The following IQGAP2 variants were observed in gnomAD, a reference collection of about 807,000 sequenced individuals.
IQGAP2 encodes the protein IQ motif containing GTPase activating protein 2, also known as ras GTPase-activating-like protein IQGAP2.
In IQGAP2, 173 loss-of-function variants were observed where a neutral mutation model predicts 201.3. That is an observed-to-expected ratio of 0.86 (90% CI 0.76 to 0.98). The LOEUF (loss-of-function observed/expected upper bound fraction) is 0.98, where lower values mean the gene tolerates loss of function less well. Ranked by LOEUF, IQGAP2 falls within the 50% of genes least tolerant of loss-of-function variation. IQGAP2 has a pLI of 0.00. For missense variants in IQGAP2, 1,687 were observed against 1,864.8 expected, an observed-to-expected ratio of 0.90 and a Z score of 1.76; for synonymous variants, 675 against 673.9, an observed-to-expected ratio of 1.00 and a Z score of -0.03.
chr5:76,618,283 A>C, intron 13 of IQGAP2: 1 of 1,614,234 alleles, frequency 6.2e-7, no homozygotes, highest in African/African-American at 1.3e-5. Context: ...GTAACACAAA[A>C]AAGAAAATCT....
chr5:76,629,567 A>T (rs975894554), intron 14 of IQGAP2, among the ~76,000 whole-genome samples: 3 of 152,306 alleles, frequency 2.0e-5, no homozygotes, highest in Admixed American at 2.0e-4. Context: ...CACCCTAAGG[A>T]ATCTTTTTAG....
At position 76,576,622 on chromosome 5, in the gene IQGAP2, C is replaced by G. The variant is rs150216450; in HGVS notation, c.458+853C>G. On this transcript the variant is annotated intron_variant, in intron 5 of 35. Coordinates refer to ENST00000274364, the MANE Select transcript of IQGAP2 (RefSeq NM_006633.5). ...GGTTTATGTTGACTTCTTCCTGGCT[C>G]TTTTCCTCTCCAAAGGAAAATGCTT... 3.6e-3 allele frequency among the ~76,000 whole-genome samples: 543 copies of G among 152,280 alleles called. 4 individuals carry two copies. The highest frequency in any genetic ancestry group is 0.012 in the African/African-American group (506 of 41,550).
intron 1 of IQGAP2, among the ~76,000 whole-genome samples, chr5:76,406,793 A>G (rs1020171831): frequency 2.0e-5 from 3 of 151,650 alleles, no homozygotes; most frequent in Admixed American, 6.6e-5. Context: ...GTGGGTCTCC[A>G]ATGATTGCAT....
intron 5 of IQGAP2, among the ~76,000 whole-genome samples, chr5:76,582,630 C>A (rs993099168): frequency 1.3e-5 from 2 of 152,136 alleles, no homozygotes; most frequent in Non-Finnish European, 2.9e-5. Context: ...GTTTGCATTT[C>A]ATTACGATAG....
chr5:76,451,802 A>G (rs1157825267), intron 1 of IQGAP2, among the ~76,000 whole-genome samples: 1 of 152,262 alleles, frequency 6.6e-6, no homozygotes, highest in Admixed American at 6.5e-5. Flanking sequence ...TGGGAGGCCA[A>G]GGCAGGCAGA....
At chr5:76,405,137 C>T (rs917692847) in intron 1 of IQGAP2, among the ~76,000 whole-genome samples, 11 of 152,170 alleles carry the variant, frequency 7.2e-5, no homozygotes, top group African/African-American at 2.7e-4. Flanking sequence ...TGATGTCGGC[C>T]CTCATGAGCA....
At chr5:76,634,229 G>A (rs1368991544) in intron 15 of IQGAP2, among the ~76,000 whole-genome samples, 1 of 151,398 alleles carries the variant, frequency 6.6e-6, no homozygotes, top group Non-Finnish European at 1.5e-5. Context: ...TTGTTTCAGA[G>A]ACCCATAGCC....
chr5:76,558,293 C>T (rs575403756), intron 2 of IQGAP2, among the ~76,000 whole-genome samples: 2 of 152,226 alleles, frequency 1.3e-5, no homozygotes, highest in South Asian at 4.1e-4. Context: ...CAGTTTACCC[C>T]CAGCCCCTAC....
intron 33 of IQGAP2, chr5:76,699,612 TC>T (rs1747094069): frequency 3.2e-5 from 1 of 31,292 alleles, no homozygotes; most frequent in Admixed American, 3.1e-4. Flanking sequence ...TGTTTCTCTC[TC>T]TCTCTCTCTC....
intron 2 of IQGAP2, among the ~76,000 whole-genome samples, chr5:76,561,799 C>T (rs938622652): frequency 4.6e-5 from 7 of 152,228 alleles, no homozygotes; most frequent in South Asian, 4.1e-4. Flanking sequence ...CCATTAAGTA[C>T]GGTGTCTTCC....
intron 2 of IQGAP2, among the ~76,000 whole-genome samples, chr5:76,491,957 C>T (rs1384618526): frequency 6.6e-6 from 1 of 152,136 alleles, no homozygotes; most frequent in Admixed American, 6.5e-5. Flanking sequence ...TGTCTCCTCT[C>T]GATTCTCCTG....
At position 76,542,101 on chromosome 5, in the gene IQGAP2, A is replaced by G. The variant is rs1162512006; in HGVS notation, c.147-20295A>G. Among the ~76,000 whole-genome samples the G allele has an allele frequency of 2.6e-5, 4 of 152,074 alleles. No individual in the cohort carries two copies. In the East Asian group the frequency reaches 5.8e-4, roughly 22 times the overall value. On this transcript the variant is annotated intron_variant, in intron 2 of 35. Coordinates refer to ENST00000274364, the MANE Select transcript of IQGAP2 (RefSeq NM_006633.5). ...TGGGCTGCAGCAATGCTCCCACCTCAGCCCTCTGAGTAGGTGGGACTATGG... is the reference window on the plus strand; with the variant it reads ...TGGGCTGCAGCAATGCTCCCACCTCGGCCCTCTGAGTAGGTGGGACTATGG...
intron 2 of IQGAP2, among the ~76,000 whole-genome samples, chr5:76,510,213 T>C (rs1757878678): frequency 6.6e-6 from 1 of 152,274 alleles, no homozygotes; most frequent in Admixed American, 6.5e-5. Flanking sequence ...TTGGCCAGGC[T>C]GGTCTCGAAC....
intron 17 of IQGAP2, among the ~76,000 whole-genome samples, chr5:76,647,443 G>A (rs1165793352): frequency 6.6e-6 from 1 of 152,110 alleles, no homozygotes; most frequent in Non-Finnish European, 1.5e-5. Context: ...TGCATGTTGT[G>A]GGAGGGACCC....
chr5:76,420,031 C>A (rs1397703317), intron 1 of IQGAP2, among the ~76,000 whole-genome samples: 2 of 152,190 alleles, frequency 1.3e-5, no homozygotes, highest in African/African-American at 4.8e-5. Context: ...CTTCCCCAGC[C>A]TGGAAGAGTG....
chr5:76,435,773 G>A (rs930259385), intron 1 of IQGAP2, among the ~76,000 whole-genome samples: 3 of 152,122 alleles, frequency 2.0e-5, no homozygotes, highest in African/African-American at 7.2e-5. Context: ...ATTGCTTTAG[G>A]CAGTATGGTC....
At chr5:76,472,936 G>T (rs936003725) in intron 2 of IQGAP2, among the ~76,000 whole-genome samples, 4 of 152,178 alleles carry the variant, frequency 2.6e-5, no homozygotes, top group Admixed American at 6.5e-5. Flanking sequence ...ACCAGGCACG[G>T]TGCTTTAAGC....
intron 25 of IQGAP2, 135 bp downstream of exon 25, chr5:76,673,724 T>G: frequency 1.0e-6 from 1 of 971,392 alleles, no homozygotes; most frequent in Non-Finnish European, 1.6e-6. Flanking sequence ...TGCCTACATT[T>G]ACCTTTTAAA....
chr5:76,418,161 T>G (rs1751517941), intron 1 of IQGAP2, among the ~76,000 whole-genome samples: 2 of 144,920 alleles, frequency 1.4e-5, no homozygotes, highest in African/African-American at 5.2e-5. Flanking sequence ...GAGCTGAGAT[T>G]GCGCCATTGC....
Sources: allele counts gnomAD v4.1 joint callset (sites outside exome capture counted in the v4.1 genomes callset), GRCh38; gene constraint gnomAD v4.1.1; transcripts MANE v1.5; gene names NCBI Gene and HGNC (gene_info 2026-07-23, HGNC 2026-07-21).